The following TCF7L1 variants were observed in gnomAD, a reference collection of about 807,000 sequenced individuals.
The protein encoded by TCF7L1 is transcription factor 7 like 1.
A neutral mutation model predicts 63.7 loss-of-function variants in TCF7L1; 18 were observed. The ratio of observed to expected loss-of-function variants is 0.28; its 90% CI spans 0.20 to 0.42. The LOEUF is 0.42. TCF7L1 is among the 10% of genes least tolerant of loss of function. The pLI is 1.00. For missense variants in TCF7L1, 654 were observed against 779.3 expected (o/e 0.84, Z 1.91); for synonymous variants, 355 against 340.9 (o/e 1.04, Z -0.46).
chr2:85,173,840 G>A (rs1472196724), intron 3 of TCF7L1, among the ~76,000 whole-genome samples: 2 of 151,950 alleles, frequency 1.3e-5, no homozygotes. Context: ...GGGTTTAAGC[G>A]ATTCTCCTGC....
intron 3 of TCF7L1, among the ~76,000 whole-genome samples, chr2:85,205,891 A>G (rs1679397476): frequency 6.6e-6 from 1 of 152,238 alleles, no homozygotes; most frequent in Non-Finnish European, 1.5e-5. Flanking sequence ...AGTGGACTTG[A>G]TGGAAAAATT....
chr2:85,149,322 TAC>T (rs1677953396), intron 3 of TCF7L1, among the ~76,000 whole-genome samples: 1 of 86,986 alleles, frequency 1.1e-5, no homozygotes, highest in Admixed American at 1.1e-4. Flanking sequence ...TATACACATA[TAC>T]ACATATGTGT....
chr2:85,305,388 G>A lies in TCF7L1; in HGVS notation c.974G>A (p.Ser325Asn). ...CAGGAACCGGCACCCCCCAGCCTGA[G>A]CCCTGCAGTGAGCGTGTAAGTAAGC... is the stretch of plus-strand genomic sequence containing the variant. Reference protein sequence around the residue: ...VKQEPAPPSLSPAVSVKSPVT... With the variant: ...VKQEPAPPSLNPAVSVKSPVT... Residue 325 changes from serine to asparagine, a missense_variant, in exon 8 of 12, where the codon AGC becomes AAC. Physicochemically the swap from Ser to Asn is conservative, Grantham distance 46 (BLOSUM62 1). Transcript: ENST00000282111. 1 of 1,611,898 alleles carries A rather than the reference G, an allele frequency of 6.2e-7. No individual in the cohort carries two copies. The highest frequency in any genetic ancestry group is 8.5e-7 in the Non-Finnish European group (1 of 1,178,902).
Position 85,273,824 on chromosome 2 carries a change from A to C in TCF7L1, c.442-9671A>C, listed in dbSNP as rs564403604. Among the ~76,000 whole-genome samples, 4 of 152,288 alleles carry C rather than the reference A, an allele frequency of 2.6e-5. No homozygotes were observed. The East Asian group carries it at 7.7e-4, about 29-fold the overall frequency. ...GCTCTGTGGGGATGGCTATGGGACC[A>C]GCCCTACTATGCCGGCGAATGGAGT... On this transcript the variant is annotated intron_variant, in intron 3 of 11. Coordinates refer to ENST00000282111, the MANE Select transcript of TCF7L1 (RefSeq NM_031283.3).
chr2:85,261,240 A>C (rs543469544), intron 3 of TCF7L1, among the ~76,000 whole-genome samples: 1 of 151,814 alleles, frequency 6.6e-6, no homozygotes, highest in African/African-American at 2.4e-5. Flanking sequence ...AGCCCCTAAA[A>C]CCCACCATAA....
At chr2:85,238,403 T>G (rs768595649) in intron 3 of TCF7L1, among the ~76,000 whole-genome samples, 22 of 152,178 alleles carry the variant, frequency 1.4e-4, no homozygotes, top group Non-Finnish European at 2.4e-4. Flanking sequence ...CTGCCTTATC[T>G]GCAAGGAAGA....
In TCF7L1 at chr2:85,303,905, G is replaced by T. The variant is rs941301687; in HGVS notation, c.669G>T (p.Arg223=). Residue 223 remains arginine, a synonymous_variant, in exon 6 of 12, where the codon CGG becomes CGT. Transcript: ENST00000282111. Reference sequence around the variant, plus strand: ...TCTCTTTGGAAGCAGGAATCCCCCGGCCCCCTCACCCATCCGAGCTGTCAC... The same window carrying T: ...TCTCTTTGGAAGCAGGAATCCCCCGTCCCCCTCACCCATCCGAGCTGTCAC... ...PEIDPKTGIP[R]PPHPSELSPY... is the part of the protein sequence containing the mutation. The T allele has an allele frequency of 6.2e-7, 1 of 1,610,818 alleles. No individual in the cohort carries two copies. The highest frequency in any genetic ancestry group is 1.3e-5 in the African/African-American group (1 of 74,918).
At position 85,151,380 on chromosome 2, in the gene TCF7L1, T is replaced by TA. The variant is rs1678011275; in HGVS notation, c.441+16930_441+16931insA. On this transcript the variant is annotated intron_variant, in intron 3 of 11. Transcript: ENST00000282111. ...TTAGATTTAGATTTTTGGTCAAGAT[T>TA]CAGAGTGTTTCTCTCTCTCTCCCAT... Among the ~76,000 whole-genome samples the TA allele has an allele frequency of 2.0e-5, 3 of 152,198 alleles. No homozygotes were observed. The South Asian group carries it at 6.2e-4, about 31-fold the overall frequency.
intron 3 of TCF7L1, among the ~76,000 whole-genome samples, chr2:85,239,954 A>C (rs936292168): frequency 7.2e-5 from 11 of 151,792 alleles, no homozygotes; most frequent in Admixed American, 1.3e-4. Flanking sequence ...TAAAAAAAAA[A>C]AAAAAAACAA....
intron 3 of TCF7L1, among the ~76,000 whole-genome samples, chr2:85,276,792 TGAG>T (rs934179046): frequency 1.3e-5 from 2 of 151,938 alleles, no homozygotes; most frequent in Admixed American, 6.6e-5. Context: ...GCATGACCCT[TGAG>T]GAGCTTACCG....
chr2:85,301,681 A>C (rs565489630), intron 4 of TCF7L1, among the ~76,000 whole-genome samples: 1 of 152,302 alleles, frequency 6.6e-6, no homozygotes, highest in Admixed American at 6.5e-5. Flanking sequence ...GAAGTGTTTC[A>C]AGTGCTTTAG....
chr2:85,166,833 A>T (rs1411990093), intron 3 of TCF7L1: 1 of 152,262 alleles, frequency 6.6e-6, no homozygotes, highest in Non-Finnish European at 1.5e-5. Flanking sequence ...CTCCAACCAC[A>T]AAAGATAATA....
chr2:85,262,670 T>C (rs532886661), intron 3 of TCF7L1, among the ~76,000 whole-genome samples: 1 of 152,294 alleles, frequency 6.6e-6, no homozygotes, highest in East Asian at 1.9e-4. Context: ...CCCCATCATA[T>C]ACATGGGGGA....
intron 3 of TCF7L1, among the ~76,000 whole-genome samples, chr2:85,233,533 C>T (rs531870488): frequency 7.3e-5 from 11 of 151,706 alleles, no homozygotes; most frequent in Non-Finnish European, 1.5e-4. Flanking sequence ...CCAGGATGGT[C>T]TCGATCTCCT....
chr2:85,214,068 G>A (rs1277154944), intron 3 of TCF7L1, among the ~76,000 whole-genome samples: 1 of 152,174 alleles, frequency 6.6e-6, no homozygotes, highest in African/African-American at 2.4e-5. Context: ...ATCGGGGAGT[G>A]CCATGCTCAG....
At chr2:85,180,499 T>G (rs1489729480) in intron 3 of TCF7L1, among the ~76,000 whole-genome samples, 1 of 152,152 alleles carries the variant, frequency 6.6e-6, no homozygotes, top group Non-Finnish European at 1.5e-5. Context: ...CAAATGTGCC[T>G]TCCAACCCCA....
chr2:85,268,034 TTTTG>T (rs1421697055), intron 3 of TCF7L1, among the ~76,000 whole-genome samples: 1 of 152,158 alleles, frequency 6.6e-6, no homozygotes, highest in Non-Finnish European at 1.5e-5. Flanking sequence ...ATTAGAATGT[TTTTG>T]TTTGTTTTTT....
intron 3 of TCF7L1, among the ~76,000 whole-genome samples, chr2:85,176,986 C>CAAAA (rs774094748): frequency 1.3e-4 from 9 of 66,774 alleles, no homozygotes; most frequent in East Asian, 5.2e-4. Context: ...GACTCTGTCT[C>CAAAA]AAAAAAAAAA....
At chr2:85,147,527 G>T (rs1356082059) in intron 3 of TCF7L1, among the ~76,000 whole-genome samples, 1 of 152,060 alleles carries the variant, frequency 6.6e-6, no homozygotes, top group Non-Finnish European at 1.5e-5. Context: ...GGCTCTTGGG[G>T]TCCAAGGGGA....
Sources: allele counts gnomAD v4.1 joint callset (sites outside exome capture counted in the v4.1 genomes callset), GRCh38; gene constraint gnomAD v4.1.1; transcripts MANE v1.5; gene names NCBI Gene and HGNC (gene_info 2026-07-23, HGNC 2026-07-21).